Variants in DOCK1 observed in about 807,000 individuals in gnomAD.
The protein encoded by DOCK1 is dedicator of cytokinesis protein 1.
A neutral mutation model predicts 262.7 loss-of-function variants in DOCK1; 138 were observed. That is an observed-to-expected ratio of 0.53 (90% confidence interval 0.46 to 0.61). DOCK1 has a LOEUF of 0.61. Among genes scored for constraint, DOCK1 ranks in the 20% least tolerant of loss-of-function variants. The pLI is 0.00. For synonymous variants in DOCK1, 866 were observed against 867.4 expected (o/e 1.00, Z 0.03); for missense variants, 1,908 against 2,370.7 (o/e 0.80, Z 4.05).
intron 21 of DOCK1, among the ~76,000 whole-genome samples, chr10:127,049,982 T>C (rs1023151407): frequency 1.4e-5 from 2 of 146,714 alleles, no homozygotes; most frequent in African/African-American, 5.1e-5. Flanking sequence ...TTTTTTTTTT[T>C]TTTTTTTTTA....
intron 27 of DOCK1, among the ~76,000 whole-genome samples, chr10:127,220,091 A>G (rs903873408): frequency 6.6e-6 from 1 of 152,094 alleles, no homozygotes; most frequent in African/African-American, 2.4e-5. Flanking sequence ...AGAGAAAAAA[A>G]TGTTCAAAGA....
intron 29 of DOCK1, among the ~76,000 whole-genome samples, chr10:127,280,065 C>T (rs1177160969): frequency 6.2e-5 from 8 of 129,910 alleles, no homozygotes; most frequent in South Asian, 2.3e-4. Flanking sequence ...GACGGAGTCT[C>T]GCTCTGTCGC....
intron 18 of DOCK1, among the ~76,000 whole-genome samples, chr10:127,034,545 A>T (rs1048593821): frequency 1.3e-5 from 2 of 152,076 alleles, no homozygotes; most frequent in Non-Finnish European, 2.9e-5. Flanking sequence ...TATGGAAAGG[A>T]TGCTCCCCTG....
chr10:126,939,057 C>G (rs1455005743), intron 1 of DOCK1, among the ~76,000 whole-genome samples: 5 of 60,194 alleles, frequency 8.3e-5, no homozygotes, highest in Admixed American at 2.4e-4. Context: ...GGATGAACAC[C>G]GGGGGGGGGA....
Position 127,026,370 on chromosome 10 carries a change from G to C in DOCK1, c.1570G>C (p.Asp524His). ...CTTGAAGGTGGCCATTCCCATCGAG[G>C]ACGTTAACCGCAGTCACCTTCGGTT... ...ETVKVAIPIE[D>H]VNRSHLRFTF... is the part of the protein sequence containing the mutation. Residue 524 changes from aspartate (D) to histidine (H), a missense_variant, in exon 16 of 52, where the codon GAC becomes CAC. By Grantham distance (81) the Asp-to-His change is moderately conservative. Transcript: ENST00000623213. 1 of 1,571,986 alleles carries C rather than the reference G, an allele frequency of 6.4e-7. No individual in the cohort carries two copies. Among genetic ancestry groups the C allele is most frequent in the Admixed American group, 1.8e-5 (1 of 54,094 alleles).
chr10:127,069,126 G>C (rs2046055291), intron 23 of DOCK1, among the ~76,000 whole-genome samples: 1 of 152,218 alleles, frequency 6.6e-6, no homozygotes, highest in Admixed American at 6.5e-5. Flanking sequence ...TGATGACTCT[G>C]TGCTTCTTTC....
intron 32 of DOCK1, among the ~76,000 whole-genome samples, chr10:127,358,683 G>C (rs1055299965): frequency 2.6e-5 from 4 of 152,308 alleles, no homozygotes; most frequent in East Asian, 1.9e-4. Context: ...CAAATTGTGT[G>C]CTTTTCATTA....
intron 25 of DOCK1, among the ~76,000 whole-genome samples, chr10:127,116,384 C>G (rs1440961338): frequency 6.6e-6 from 1 of 152,118 alleles, no homozygotes; most frequent in Non-Finnish European, 1.5e-5. Flanking sequence ...GTAAAACTCT[C>G]CTTTTTAATG....
At chr10:126,912,145 A>G (rs989462650) in intron 1 of DOCK1, among the ~76,000 whole-genome samples, 9 of 152,014 alleles carry the variant, frequency 5.9e-5, no homozygotes, top group Non-Finnish European at 1.2e-4. Context: ...CAAGGCCACT[A>G]TGGCCAGCCT....
chr10:126,998,036 C>T (rs2040334881), intron 7 of DOCK1, 56 bp from the exon 8 acceptor site: 2 of 1,597,662 alleles, frequency 1.3e-6, no homozygotes, highest in African/African-American at 2.7e-5. Context: ...ATAAAGAAAG[C>T]AAGTGTCAGT....
At chr10:127,023,542 C>CCTT (rs2042598846) in intron 14 of DOCK1, among the ~76,000 whole-genome samples, 1 of 124,382 alleles carries the variant, frequency 8.0e-6, no homozygotes, top group African/African-American at 3.1e-5. Flanking sequence ...TCCCTGTGGT[C>CCTT]TTTTTTTTTT....
At chr10:127,165,041 C>A (rs2053954771) in intron 27 of DOCK1, among the ~76,000 whole-genome samples, 1 of 152,178 alleles carries the variant, frequency 6.6e-6, no homozygotes, top group Admixed American at 6.5e-5. Context: ...CACTGGCTAT[C>A]AAACTAGAAT....
At chr10:127,271,849 A>G (rs1013051162) in intron 29 of DOCK1, among the ~76,000 whole-genome samples, 1 of 152,258 alleles carries the variant, frequency 6.6e-6, no homozygotes, top group Non-Finnish European at 1.5e-5. Context: ...TACTCTTTTT[A>G]TATTTGAGTC....
intron 27 of DOCK1, among the ~76,000 whole-genome samples, chr10:127,205,267 G>T (rs2057662481): frequency 6.6e-6 from 1 of 151,910 alleles, no homozygotes; most frequent in South Asian, 2.1e-4. Context: ...TTTCCTTTTT[G>T]GTCCGTGGGT....
At chr10:127,338,792 C>A (rs561715568) in intron 29 of DOCK1, among the ~76,000 whole-genome samples, 3 of 151,668 alleles carry the variant, frequency 2.0e-5, no homozygotes, top group African/African-American at 7.3e-5. Context: ...TGGTCTGTTT[C>A]TTTCATCCTG....
At chr10:127,171,641 A>C (rs1192470669) in intron 27 of DOCK1, among the ~76,000 whole-genome samples, 1 of 152,178 alleles carries the variant, frequency 6.6e-6, no homozygotes, top group Non-Finnish European at 1.5e-5. Flanking sequence ...CCCCAGCTTC[A>C]AGAGTGTTCT....
intron 29 of DOCK1, among the ~76,000 whole-genome samples, chr10:127,301,965 A>G (rs2061696393): frequency 6.6e-6 from 1 of 151,766 alleles, no homozygotes; most frequent in Admixed American, 6.6e-5. Flanking sequence ...AAAAAAGAAA[A>G]AAAAATGCAA....
chr10:127,093,219 T>TTTGTTTC lies in DOCK1; in HGVS notation c.2446-13010_2446-13009insGTTTCTT, dbSNP rs149382008. 2.4e-3 allele frequency among the ~76,000 whole-genome samples: 149 copies of TTTGTTTC among 62,918 alleles called. 3 individuals are homozygous for TTTGTTTC. The highest frequency in any genetic ancestry group is 4.2e-3 in the Non-Finnish European group (125 of 29,982). The allele number at this position is 62,918 out of a possible 152,430, so 41.3% of individuals were successfully genotyped here. A position where few individuals can be genotyped will look rare whatever the true frequency, so the allele number is the denominator to read the frequency against. ...TCCTTTTTCTTTCTTTCTTTCTTTC[T>TTTGTTTC]TTTCTTTCTTTCTTTCTTTCTTCTT... is the stretch of plus-strand genomic sequence containing the variant. On this transcript the variant is annotated intron_variant, in intron 23 of 51. Transcript: ENST00000623213.
rs1382507298 is a variant in DOCK1 at position 127,175,244 on chromosome 10, C to T, written c.2847+47480C>T. 5 of 1,613,778 alleles carry T rather than the reference C, an allele frequency of 3.1e-6. No individual in the cohort carries two copies. The Admixed American group carries it at 6.7e-5, about 22-fold the overall frequency. On this transcript the variant is annotated intron_variant, in intron 27 of 51. Coordinates refer to ENST00000623213, the MANE Select transcript of DOCK1 (RefSeq NM_001290223.2). The surrounding 1 kb of genome is among the most constrained non-coding windows in gnomAD (Gnocchi z 6.3). ...GATGGGCCTCTCCTTTTTCCAACTC[C>T]TGAATGACCCCCAAGAGCACTTTGA...
Sources: allele counts gnomAD v4.1 joint callset (sites outside exome capture counted in the v4.1 genomes callset), GRCh38; gene constraint gnomAD v4.1.1; non-coding constraint Gnocchi (gnomAD v3.1); transcripts MANE v1.5; gene names NCBI Gene and HGNC (gene_info 2026-07-23, HGNC 2026-07-21).